Variants in MSI2 observed in about 807,000 individuals in gnomAD.
MSI2 encodes the protein RNA-binding protein Musashi homolog 2.
Under a neutral mutation model 45.6 loss-of-function variants are expected in MSI2, and 17 were observed. That is an observed-to-expected ratio of 0.37 (90% CI 0.26 to 0.56). The LOEUF is 0.56. Among genes scored for constraint, MSI2 ranks in the 20% least tolerant of loss-of-function variants. The probability of loss-of-function intolerance (pLI) is 0.77; values close to 1 mark genes in which losing one functional copy is unlikely to be tolerated. For missense variants in MSI2, 293 were observed against 444.2 expected, an observed-to-expected ratio of 0.66 and a Z score of 3.06; for synonymous variants, 156 against 158.2, an observed-to-expected ratio of 0.99 and a Z score of 0.11.
At chr17:57,285,544 G>C (rs1051275447) in intron 5 of MSI2, among the ~76,000 whole-genome samples, 1 of 152,226 alleles carries the variant, frequency 6.6e-6, no homozygotes, top group Non-Finnish European at 1.5e-5. Flanking sequence ...TTCAGGAGAG[G>C]CTGGGGTGTG....
intron 10 of MSI2, among the ~76,000 whole-genome samples, chr17:57,635,386 T>C (rs1444701921): frequency 6.6e-6 from 1 of 152,238 alleles, no homozygotes; most frequent in African/African-American, 2.4e-5. Flanking sequence ...TTGTCCCTTC[T>C]CTCTGCACCC....
At chr17:57,523,403 A>C (rs1275076477) in intron 6 of MSI2, among the ~76,000 whole-genome samples, 1 of 152,148 alleles carries the variant, frequency 6.6e-6, no homozygotes, top group Non-Finnish European at 1.5e-5. Flanking sequence ...GGGCTGTCTC[A>C]AGTCTAACCC....
At chr17:57,357,445 A>C (rs1276112964) in intron 5 of MSI2, among the ~76,000 whole-genome samples, 1 of 152,084 alleles carries the variant, frequency 6.6e-6, no homozygotes, top group Non-Finnish European at 1.5e-5. Flanking sequence ...CTTGAGCTTC[A>C]TTCGGCAGCA....
Position 57,552,771 on chromosome 17 carries a change from T to A in MSI2, c.454+23047T>A, listed in dbSNP as rs1345452337. ...TCTTTTACAGCTTTGATTCATGCTC[T>A]TAGTTTCCAGTTTTATATGTGCTTA... is the stretch of plus-strand genomic sequence containing the variant. On this transcript the variant is annotated intron_variant, in intron 7 of 13. Coordinates refer to ENST00000284073, the MANE Select transcript of MSI2 (RefSeq NM_138962.4). This position sits in a 1 kb window ranked among gnomAD's most constrained non-coding sequence, Gnocchi z 4.3. 6.6e-6 allele frequency among the ~76,000 whole-genome samples: 1 copy of A among 152,266 alleles called. No individual in the cohort carries two copies. Among genetic ancestry groups the A allele is most frequent in the Non-Finnish European group, 1.5e-5 (1 of 68,044 alleles).
intron 6 of MSI2, among the ~76,000 whole-genome samples, chr17:57,462,641 C>A (rs189878247): frequency 6.6e-6 from 1 of 152,212 alleles, no homozygotes; most frequent in African/African-American, 2.4e-5. Context: ...CAGCACAGAG[C>A]AGGACATTCT....
intron 7 of MSI2, among the ~76,000 whole-genome samples, chr17:57,576,147 A>C (rs1244286868): frequency 6.6e-6 from 1 of 152,158 alleles, no homozygotes; most frequent in Non-Finnish European, 1.5e-5. Flanking sequence ...TGTAATAATT[A>C]TTTGCTGAAC....
intron 5 of MSI2, among the ~76,000 whole-genome samples, chr17:57,295,192 C>T (rs113009697): frequency 4.1e-4 from 62 of 152,256 alleles, no homozygotes; most frequent in African/African-American, 1.4e-3. Context: ...TTCTGTGCAG[C>T]GCTGCCCACT....
intron 5 of MSI2, among the ~76,000 whole-genome samples, chr17:57,366,191 G>A (rs1917177707): frequency 6.6e-6 from 1 of 152,200 alleles, no homozygotes; most frequent in African/African-American, 2.4e-5. Context: ...GGGATTACAA[G>A]CATGAGCCAC....
chr17:57,259,404 T>G (rs1215005879), intron 4 of MSI2, among the ~76,000 whole-genome samples: 2 of 152,228 alleles, frequency 1.3e-5, no homozygotes, highest in African/African-American at 4.8e-5. Flanking sequence ...GTAAAATAAG[T>G]GGACCAAGGT....
chr17:57,499,257 TC>T (rs369754046), intron 6 of MSI2, among the ~76,000 whole-genome samples: 35 of 151,080 alleles, frequency 2.3e-4, no homozygotes, highest in African/African-American at 8.5e-4. Context: ...ATGCCTGTAA[TC>T]CCAGCAACTC....
At chr17:57,494,886 T>C (rs2085944749) in intron 6 of MSI2, among the ~76,000 whole-genome samples, 2 of 151,784 alleles carry the variant, frequency 1.3e-5, no homozygotes, top group African/African-American at 4.8e-5. Flanking sequence ...AGAACTCAAC[T>C]CAAGCGGAGG....
At chr17:57,477,259 G>A (rs1243962799) in intron 6 of MSI2, among the ~76,000 whole-genome samples, 3 of 151,494 alleles carry the variant, frequency 2.0e-5, no homozygotes, top group Non-Finnish European at 4.4e-5. Flanking sequence ...AACACAGCAG[G>A]TGGGCCCCAC....
At chr17:57,359,799 C>T (rs553796493) in intron 5 of MSI2, among the ~76,000 whole-genome samples, 39 of 152,210 alleles carry the variant, frequency 2.6e-4, no homozygotes, top group Non-Finnish European at 4.9e-4. Flanking sequence ...CTTTCTTTTG[C>T]AATGAATATA....
chr17:57,637,576 C>G (rs922125536), intron 10 of MSI2, among the ~76,000 whole-genome samples: 3 of 152,232 alleles, frequency 2.0e-5, no homozygotes, highest in African/African-American at 7.2e-5. Flanking sequence ...CCCAGAGCCC[C>G]GTGTCCTCAG....
chr17:57,593,427 A>G (rs1037141233), intron 7 of MSI2, among the ~76,000 whole-genome samples: 2 of 151,304 alleles, frequency 1.3e-5, no homozygotes, highest in African/African-American at 4.9e-5. Context: ...GCTTCTTAAG[A>G]CTCCAGGTGT....
intron 10 of MSI2, among the ~76,000 whole-genome samples, chr17:57,640,296 C>T (rs753623905): frequency 6.6e-6 from 1 of 152,192 alleles, no homozygotes; most frequent in Non-Finnish European, 1.5e-5. Flanking sequence ...CAGATTAACC[C>T]GCCAGAGTTA....
intron 6 of MSI2, among the ~76,000 whole-genome samples, chr17:57,422,551 A>G (rs2084415093): frequency 6.6e-6 from 1 of 152,204 alleles, no homozygotes; most frequent in African/African-American, 2.4e-5. Flanking sequence ...AGGGTCCGGG[A>G]CAGGAAAGTA....
intron 5 of MSI2, among the ~76,000 whole-genome samples, chr17:57,346,346 T>TG (rs1307289948): frequency 9.1e-6 from 1 of 109,956 alleles, no homozygotes; most frequent in Non-Finnish European, 2.1e-5. Context: ...AATAACACAT[T>TG]TTGGGGGGGG....
At chr17:57,565,708 A>T (rs2087714762) in intron 7 of MSI2, among the ~76,000 whole-genome samples, 1 of 152,154 alleles carries the variant, frequency 6.6e-6, no homozygotes, top group Admixed American at 6.5e-5. Context: ...CTCAGCAGAC[A>T]GTTACTGAGT....
Sources: gnomAD v4.1 joint callset for allele counts (sites outside exome capture counted in the v4.1 genomes callset) on GRCh38, gnomAD v4.1.1 for gene constraint, Gnocchi (gnomAD v3.1) non-coding constraint, MANE v1.5 for transcripts, NCBI Gene and HGNC (gene_info 2026-07-23, HGNC 2026-07-21) for gene names.